TP63: variants seen among roughly 807,000 people sequenced by gnomAD.
TP63 encodes the protein tumor protein 63.
TP63 carries 17 observed loss-of-function variants against 82.8 expected under a neutral mutation model. The ratio of observed to expected loss-of-function variants is 0.21; its 90% CI spans 0.14 to 0.31. The LOEUF is 0.31. Ranked by LOEUF, TP63 falls within the 10% of genes least tolerant of loss-of-function variation. The pLI is 1.00. For missense variants in TP63, 648 were observed against 895.3 expected, an observed-to-expected ratio of 0.72 and a Z score of 3.52; for synonymous variants, 330 against 321.7, an observed-to-expected ratio of 1.03 and a Z score of -0.28.
intron 5 of TP63, among the ~76,000 whole-genome samples, chr3:189,864,644 T>C (rs1303774228): frequency 6.7e-6 from 1 of 148,966 alleles, no homozygotes; most frequent in African/African-American, 2.5e-5. Flanking sequence ...TAGTAATTAC[T>C]AGATGACCTG....
intron 1 of TP63, among the ~76,000 whole-genome samples, chr3:189,675,216 A>G (rs893507981): frequency 6.6e-6 from 1 of 152,108 alleles, no homozygotes; most frequent in African/African-American, 2.4e-5. Flanking sequence ...CTCTGCCTTC[A>G]TTCATAACTC....
intron 4 of TP63, 62 bp downstream of exon 4, chr3:189,808,588 C>T (rs970828070): frequency 5.6e-6 from 9 of 1,606,862 alleles, no homozygotes; most frequent in Admixed American, 1.7e-5. Context: ...TTCACCACGT[C>T]CCAGGGATTT....
intron 4 of TP63, among the ~76,000 whole-genome samples, chr3:189,814,075 G>A (rs896129373): frequency 2.0e-5 from 3 of 152,172 alleles, no homozygotes; most frequent in Non-Finnish European, 4.4e-5. Context: ...ATGGGTCTTG[G>A]TCTCGCAAGC....
intron 6 of TP63, among the ~76,000 whole-genome samples, chr3:189,867,053 T>C (rs947486388): frequency 6.6e-6 from 1 of 152,206 alleles, no homozygotes; most frequent in African/African-American, 2.4e-5. Flanking sequence ...AGATAACAAT[T>C]GAACTGGCAA....
chr3:189,695,221 A>G (rs979049635), intron 1 of TP63, among the ~76,000 whole-genome samples: 2 of 152,032 alleles, frequency 1.3e-5, no homozygotes, highest in African/African-American at 4.8e-5. Context: ...TAGTTATGTT[A>G]TACATTGGAA....
chr3:189,647,743 A>G (rs1560082715), intron 1 of TP63, among the ~76,000 whole-genome samples: 1 of 147,266 alleles, frequency 6.8e-6, no homozygotes, highest in Non-Finnish European at 1.5e-5. Flanking sequence ...AGAAAAAAAA[A>G]GTAAAACAAA....
chr3:189,893,498 A>G (rs16864896), intron 13 of TP63, among the ~76,000 whole-genome samples: 2,473 of 152,322 alleles, frequency 0.016, 72 homozygotes, highest in African/African-American at 0.057. Flanking sequence ...GTTAAGGTTG[A>G]CCCTATTTGC....
intron 4 of TP63, among the ~76,000 whole-genome samples, chr3:189,840,952 A>G (rs2108741633): frequency 6.6e-6 from 1 of 151,798 alleles, no homozygotes; most frequent in East Asian, 1.9e-4. Flanking sequence ...ATGCTCCATT[A>G]TATGTGTGTC....
intron 1 of TP63, among the ~76,000 whole-genome samples, chr3:189,730,721 G>A (rs554614653): frequency 3.7e-4 from 57 of 152,204 alleles, no homozygotes; most frequent in Middle Eastern, 6.8e-3. Flanking sequence ...TGAGGAGGAG[G>A]TCCCTCCAGG....
intron 4 of TP63, among the ~76,000 whole-genome samples, chr3:189,817,001 TG>T (rs35406510): frequency 1.3e-5 from 2 of 148,612 alleles, no homozygotes; most frequent in Admixed American, 6.7e-5. Flanking sequence ...AAGATTCATG[TG>T]GGGGAAAAAA....
intron 1 of TP63, among the ~76,000 whole-genome samples, chr3:189,641,001 C>G (rs966688941): frequency 2.0e-5 from 3 of 152,020 alleles, no homozygotes; most frequent in African/African-American, 4.8e-5. Flanking sequence ...TTTTTAATAC[C>G]TAGCCTCTCT....
chr3:189,631,598 A>T, intron 1 of TP63, 21 bp downstream of exon 1: 1 of 1,612,580 alleles, frequency 6.2e-7, no homozygotes, highest in Non-Finnish European at 8.5e-7. Context: ...ATGTGACATA[A>T]CTTCTCTCAA....
At chr3:189,803,158 C>T (rs1726496735) in intron 3 of TP63, among the ~76,000 whole-genome samples, 1 of 152,138 alleles carries the variant, frequency 6.6e-6, no homozygotes, top group Non-Finnish European at 1.5e-5. Flanking sequence ...ATCAGCCGGG[C>T]ATGGTGGCAC....
At chr3:189,684,464 G>A (rs565029725) in intron 1 of TP63, among the ~76,000 whole-genome samples, 16 of 152,236 alleles carry the variant, frequency 1.1e-4, no homozygotes, top group East Asian at 3.9e-4. Flanking sequence ...GTAAGTATGC[G>A]TAAAAGTATG....
chr3:189,823,240 T>C (rs1346457940), intron 4 of TP63, among the ~76,000 whole-genome samples: 1 of 152,184 alleles, frequency 6.6e-6, no homozygotes. Context: ...GCTGTGGTTC[T>C]ATGTAGGAAA....
At chr3:189,656,684 T>C (rs1187242758) in intron 1 of TP63, among the ~76,000 whole-genome samples, 1 of 152,138 alleles carries the variant, frequency 6.6e-6, no homozygotes, top group African/African-American at 2.4e-5. Flanking sequence ...TATGCCATGC[T>C]AACACTAATA....
At position 189,691,721 on chromosome 3, in the gene TP63, C is replaced by T. The variant is rs1344795559; in HGVS notation, c.63-46019C>T. Among the ~76,000 whole-genome samples, 3 of 152,150 alleles carry T rather than the reference C, an allele frequency of 2.0e-5. No homozygotes were observed. In the East Asian group the frequency reaches 5.8e-4, roughly 29 times the overall value. On this transcript the variant is annotated intron_variant, in intron 1 of 13. Coordinates refer to ENST00000264731, the MANE Select transcript of TP63 (RefSeq NM_003722.5). Reference sequence around the variant, plus strand: ...CACACTAGCTGTGTAAGAGTCTATACTACAGTCCTCTGGTATCTACAGCAC... The same window carrying T: ...CACACTAGCTGTGTAAGAGTCTATATTACAGTCCTCTGGTATCTACAGCAC...
intron 4 of TP63, among the ~76,000 whole-genome samples, chr3:189,846,788 G>A (rs572954639): frequency 1.0e-3 from 146 of 142,778 alleles, no homozygotes; most frequent in African/African-American, 3.5e-3. Context: ...CTGGGTTCAA[G>A]CAATTCTCCT....
Position 189,848,008 on chromosome 3 carries a change from C to T in TP63, c.580-16224C>T, listed in dbSNP as rs761995911. Among the ~76,000 whole-genome samples the T allele has an allele frequency of 2.1e-4, 32 of 152,240 alleles. No homozygotes were observed. In the South Asian group the frequency reaches 2.3e-3, roughly 11 times the overall value. On this transcript the variant is annotated intron_variant, in intron 4 of 13. Transcript: ENST00000264731. ...CACGAATACACCAGTTCCACTTTGG[C>T]CTCATACTATAACTGTTAAAACTGT... is the stretch of plus-strand genomic sequence containing the variant.
Sources: allele counts gnomAD v4.1 joint callset (sites outside exome capture counted in the v4.1 genomes callset), GRCh38; gene constraint gnomAD v4.1.1; transcripts MANE v1.5; gene names NCBI Gene and HGNC (gene_info 2026-07-23, HGNC 2026-07-21).